TTC7A: variants seen among roughly 807,000 people sequenced by gnomAD.
TTC7A encodes tetratricopeptide repeat protein 7A.
In TTC7A, 110 loss-of-function variants were observed where a neutral mutation model predicts 103.7. That is an observed-to-expected ratio of 1.06 (90% CI 0.91 to 1.24). The LOEUF is 1.24. Among genes scored for constraint, TTC7A ranks in the 50% most tolerant of loss-of-function variants. The probability of loss-of-function intolerance (pLI) is 0.00; values close to 1 mark genes in which losing one functional copy is unlikely to be tolerated. For synonymous variants in TTC7A, 521 were observed against 467.9 expected, an observed-to-expected ratio of 1.11 and a Z score of -1.47; for missense variants, 1,340 against 1,116.3, an observed-to-expected ratio of 1.20 and a Z score of -2.86.
At chr2:47,040,145 A>T (rs1475258995) in intron 15 of TTC7A, among the ~76,000 whole-genome samples, 1 of 152,156 alleles carries the variant, frequency 6.6e-6, no homozygotes, top group African/African-American at 2.4e-5. Flanking sequence ...CAGCATCCTG[A>T]CGAGGGCATA....
At chr2:47,043,109 T>C (rs1268751767) in intron 15 of TTC7A, among the ~76,000 whole-genome samples, 3 of 152,092 alleles carry the variant, frequency 2.0e-5, no homozygotes, top group Non-Finnish European at 4.4e-5. Flanking sequence ...CATTGATAGG[T>C]GGGTGAGGAG....
At chr2:46,956,589 G>C (rs1671872850) in intron 2 of TTC7A, 2 of 502,958 alleles carry the variant, frequency 4.0e-6, no homozygotes, top group South Asian at 2.5e-5. Flanking sequence ...CTTGCTGGGG[G>C]CATAAAACGC....
At chr2:47,003,669 C>G (rs116079162) in intron 8 of TTC7A, among the ~76,000 whole-genome samples, 1 of 152,226 alleles carries the variant, frequency 6.6e-6, no homozygotes, top group Non-Finnish European at 1.5e-5. Flanking sequence ...CCTGGCTCCA[C>G]CCGCTCCCAT....
At chr2:46,952,960 AG>A in intron 2 of TTC7A, among the ~76,000 whole-genome samples, 1 of 152,340 alleles carries the variant, frequency 6.6e-6, no homozygotes. Context: ...TCTCCATGCC[AG>A]TATTGTCTCA....
intron 3 of TTC7A, among the ~76,000 whole-genome samples, chr2:46,964,262 G>A (rs560265057): frequency 1.8e-4 from 28 of 152,312 alleles, no homozygotes; most frequent in African/African-American, 6.5e-4. Context: ...CTTCCAGCAA[G>A]GGAAGGCCAA....
At chr2:46,983,354 C>A (rs542706478) in intron 5 of TTC7A, among the ~76,000 whole-genome samples, 51 of 152,326 alleles carry the variant, frequency 3.3e-4, no homozygotes, top group African/African-American at 1.1e-3. Context: ...TTTTCGGTTG[C>A]TGAGCTTTGG....
chr2:47,059,978 G>A (rs1422922770), intron 18 of TTC7A, among the ~76,000 whole-genome samples: 4 of 151,946 alleles, frequency 2.6e-5, no homozygotes, highest in East Asian at 1.9e-4. Flanking sequence ...GCAACATGGC[G>A]AAACCCCATC....
intron 2 of TTC7A, among the ~76,000 whole-genome samples, chr2:46,935,388 C>T (rs1472662060): frequency 1.3e-5 from 2 of 152,128 alleles, no homozygotes; most frequent in Non-Finnish European, 2.9e-5. Context: ...TTAAAATAAA[C>T]TCCTTTCTTG....
chr2:46,963,400 A>G (rs574418302), intron 3 of TTC7A, among the ~76,000 whole-genome samples: 2 of 152,388 alleles, frequency 1.3e-5, no homozygotes, highest in East Asian at 1.9e-4. Context: ...GTTCCACCAC[A>G]TGCCCAAGGT....
chr2:47,041,922 A>G (rs796319434), intron 15 of TTC7A, among the ~76,000 whole-genome samples: 18 of 124,886 alleles, frequency 1.4e-4, no homozygotes, highest in African/African-American at 4.7e-4. Flanking sequence ...GATTAACGGG[A>G]AAAAAAACGT....
chr2:46,946,881 A>G (rs1163906323), intron 1 of TTC7A, among the ~76,000 whole-genome samples: 2 of 152,206 alleles, frequency 1.3e-5, no homozygotes, highest in African/African-American at 2.4e-5. Flanking sequence ...AGGAAAAGAA[A>G]GTGAATTTTT....
chr2:46,924,282 AC>A (rs1247167076), intron 2 of TTC7A, among the ~76,000 whole-genome samples: 2 of 151,314 alleles, frequency 1.3e-5, no homozygotes, highest in Admixed American at 1.3e-4. Context: ...AAAACTGTAA[AC>A]CCCCCAGGGA....
At chr2:47,054,521 C>T (rs1483825351) in intron 18 of TTC7A, among the ~76,000 whole-genome samples, 1 of 152,112 alleles carries the variant, frequency 6.6e-6, no homozygotes, top group Non-Finnish European at 1.5e-5. Flanking sequence ...TGTCATTATT[C>T]TGGGTGTCCC....
chr2:47,017,602 CCAGTGTATTACCCA>C (rs1558582723), intron 11 of TTC7A, among the ~76,000 whole-genome samples: 1 of 152,150 alleles, frequency 6.6e-6, no homozygotes, highest in Non-Finnish European at 1.5e-5. Context: ...AGGAAATACT[CCAGTGTATTACCCA>C]CAGTGGGGTG....
rs61738825 is a variant in TTC7A at position 46,950,478 on chromosome 2, C to T, written c.300C>T (p.Ser100=). 0.095 allele frequency: 153,575 copies of T among 1,613,934 alleles called. 8,074 individuals are homozygous for T. The highest frequency in any genetic ancestry group is 0.1 in the Non-Finnish European group (123,527 of 1,179,966). The change falls in exon 2 of 20, where the codon AGC becomes AGT. Residue 100 remains serine (S), a synonymous_variant. Coordinates refer to ENST00000319190, the MANE Select transcript of TTC7A (RefSeq NM_020458.4). ...PLLEKNEPKM[S]EAKNYLSSIL... Reference sequence around the variant, plus strand: ...TGGAGAAGAATGAGCCGAAGATGAGCGAAGCCAAAAATTATCTAAGCAGTA... The same window carrying T: ...TGGAGAAGAATGAGCCGAAGATGAGTGAAGCCAAAAATTATCTAAGCAGTA...
At chr2:46,963,598 CA>C (rs1672576404) in intron 3 of TTC7A, among the ~76,000 whole-genome samples, 1 of 152,212 alleles carries the variant, frequency 6.6e-6, no homozygotes, top group Non-Finnish European at 1.5e-5. Flanking sequence ...TCTGCATAAC[CA>C]GACTTATGGT....
chr2:47,021,129 G>A (rs374376666), intron 11 of TTC7A, among the ~76,000 whole-genome samples: 55 of 152,332 alleles, frequency 3.6e-4, no homozygotes, highest in African/African-American at 1.3e-3. Context: ...ATGAACTTGG[G>A]CACACTACCA....
At position 46,993,405 on chromosome 2, in the gene TTC7A, C is replaced by T. The variant is rs201806129; in HGVS notation, c.765-45C>T. On this transcript the variant is annotated intron_variant, in intron 5 of 19. Transcript: ENST00000319190. ...GGTGTGCTGAGAGCATCCTTCTTTG[C>T]GAGCTAGGCTGGTAACAAATCTACT... 1.2e-4 allele frequency: 198 copies of T among 1,592,490 alleles called. 1 individual carries two copies. In the African/African-American group the frequency reaches 1.3e-3, roughly 10 times the overall value.
intron 15 of TTC7A, among the ~76,000 whole-genome samples, chr2:47,033,367 G>A (rs1262619132): frequency 4.6e-5 from 7 of 152,216 alleles, no homozygotes; most frequent in African/African-American, 1.7e-4. Context: ...TATTAGAGGC[G>A]TCTCTTTTCA....
Sources: gnomAD v4.1 joint callset for allele counts (sites outside exome capture counted in the v4.1 genomes callset) on GRCh38, gnomAD v4.1.1 for gene constraint, MANE v1.5 for transcripts, NCBI Gene and HGNC (gene_info 2026-07-23, HGNC 2026-07-21) for gene names.